CACNA2D3: variants seen among roughly 807,000 people sequenced by gnomAD.
CACNA2D3 encodes calcium voltage-gated channel auxiliary subunit alpha2delta 3.
A neutral mutation model predicts 160.6 loss-of-function variants in CACNA2D3; 60 were observed. The ratio of observed to expected loss-of-function variants is 0.37; its 90% confidence interval spans 0.30 to 0.46. The LOEUF (loss-of-function observed/expected upper bound fraction) is 0.46, where lower values mean the gene tolerates loss of function less well. Among genes scored for constraint, CACNA2D3 ranks in the 20% least tolerant of loss-of-function variants. CACNA2D3 has a pLI of 1.00. For missense variants in CACNA2D3, 1,205 were observed against 1,365.0 expected (o/e 0.88, Z 1.85); for synonymous variants, 558 against 492.9 (o/e 1.13, Z -1.75).
intron 2 of CACNA2D3, among the ~76,000 whole-genome samples, chr3:54,124,051 T>C (rs1252783896): frequency 6.6e-6 from 1 of 152,186 alleles, no homozygotes; most frequent in Admixed American, 6.5e-5. Context: ...CCTGCAGTTG[T>C]ACAATCCCAT....
chr3:54,332,288 A>G (rs1704284019), intron 3 of CACNA2D3, among the ~76,000 whole-genome samples: 1 of 152,226 alleles, frequency 6.6e-6, no homozygotes, highest in African/African-American at 2.4e-5. Context: ...ATAGTCAATG[A>G]TTTTAAATTA....
At chr3:54,500,067 C>T (rs914267670) in intron 4 of CACNA2D3, among the ~76,000 whole-genome samples, 1 of 152,144 alleles carries the variant, frequency 6.6e-6, no homozygotes, top group Non-Finnish European at 1.5e-5. Context: ...TATTTTAACG[C>T]TGTGCTGTTA....
chr3:54,401,751 A>C (rs771984955), intron 4 of CACNA2D3, among the ~76,000 whole-genome samples: 3 of 152,196 alleles, frequency 2.0e-5, no homozygotes, highest in Non-Finnish European at 4.4e-5. Context: ...AGAAATACTT[A>C]AGAGAGTTCT....
intron 3 of CACNA2D3, among the ~76,000 whole-genome samples, chr3:54,333,410 C>G (rs1431910377): frequency 1.3e-5 from 2 of 152,098 alleles, no homozygotes; most frequent in African/African-American, 4.8e-5. Flanking sequence ...CCCTTTGTGT[C>G]TAGGGAAAAG....
chr3:54,194,850 C>T (rs1357786610), intron 2 of CACNA2D3, among the ~76,000 whole-genome samples: 1 of 152,194 alleles, frequency 6.6e-6, no homozygotes, highest in African/African-American at 2.4e-5. Context: ...AAAGTACCCA[C>T]CTCTTAATAC....
intron 27 of CACNA2D3, among the ~76,000 whole-genome samples, chr3:54,952,122 A>G (rs1239909225): frequency 6.6e-6 from 1 of 152,156 alleles, no homozygotes; most frequent in African/African-American, 2.4e-5. Context: ...CTGGGATTAC[A>G]CATGTTAGCC....
intron 2 of CACNA2D3, among the ~76,000 whole-genome samples, chr3:54,160,116 G>A (rs950999766): frequency 6.6e-6 from 1 of 152,104 alleles, no homozygotes; most frequent in Admixed American, 6.5e-5. Flanking sequence ...TTCTCTTCTG[G>A]CAGTGGTTTT....
intron 2 of CACNA2D3, among the ~76,000 whole-genome samples, chr3:54,135,083 T>A (rs955085453): frequency 3.9e-5 from 6 of 152,210 alleles, no homozygotes; most frequent in African/African-American, 1.2e-4. Flanking sequence ...AATTTTAATT[T>A]CTGTTCCCTT....
intron 35 of CACNA2D3, among the ~76,000 whole-genome samples, chr3:55,022,194 TC>T (rs141770643): frequency 0.048 from 7,323 of 152,202 alleles, 259 homozygotes; most frequent in Middle Eastern, 0.11. Context: ...AAGAAATCAT[TC>T]CTGTTATCAC....
At chr3:54,662,373 T>C (rs1240445774) in intron 11 of CACNA2D3, among the ~76,000 whole-genome samples, 1 of 152,152 alleles carries the variant, frequency 6.6e-6, no homozygotes. Flanking sequence ...AGGGAGAGTC[T>C]AAAGTGACTA....
intron 31 of CACNA2D3, among the ~76,000 whole-genome samples, chr3:54,996,028 C>T (rs994501818): frequency 6.6e-6 from 1 of 152,206 alleles, no homozygotes; most frequent in South Asian, 2.1e-4. Context: ...TAGGAACATT[C>T]AATAACACCT....
chr3:54,881,076 G>A (rs1383615393), intron 21 of CACNA2D3, among the ~76,000 whole-genome samples: 1 of 152,096 alleles, frequency 6.6e-6, no homozygotes, highest in Non-Finnish European at 1.5e-5. Flanking sequence ...CCGATTCATG[G>A]TTGTGATTTA....
rs553477467 is a variant in CACNA2D3, at chr3:54,510,031, C to G, written c.544+6377C>G. Among the ~76,000 whole-genome samples the G allele has an allele frequency of 3.3e-5, 5 of 152,160 alleles. No homozygotes were observed. In the South Asian group the frequency reaches 1.0e-3, roughly 32 times the overall value. On this transcript the variant is annotated intron_variant, in intron 5 of 37. Coordinates refer to ENST00000474759, the MANE Select transcript of CACNA2D3 (RefSeq NM_018398.3). ...GTGGCTCCTCAGTCCTATGCTTAGGCTTATGTTTAGCCTGGAAGTTGCATT... is the reference window on the plus strand; with the variant it reads ...GTGGCTCCTCAGTCCTATGCTTAGGGTTATGTTTAGCCTGGAAGTTGCATT...
intron 4 of CACNA2D3, among the ~76,000 whole-genome samples, chr3:54,461,631 A>C (rs1700506781): frequency 6.6e-6 from 1 of 151,474 alleles, no homozygotes; most frequent in Non-Finnish European, 1.5e-5. Flanking sequence ...TATCCCCTTT[A>C]TCGTTTTTTA....
chr3:54,871,844 T>C (rs1699543661), intron 18 of CACNA2D3, among the ~76,000 whole-genome samples: 1 of 152,194 alleles, frequency 6.6e-6, no homozygotes, highest in South Asian at 2.1e-4. Flanking sequence ...CAGCTGCTTG[T>C]GCAGTCTACT....
chr3:54,676,227 C>A (rs1700241250), intron 11 of CACNA2D3, among the ~76,000 whole-genome samples: 1 of 152,214 alleles, frequency 6.6e-6, no homozygotes, highest in African/African-American at 2.4e-5. Context: ...CCTTTCCCAG[C>A]AGTTCCTTAT....
At chr3:54,125,459 TATC>T (rs1353753624) in intron 2 of CACNA2D3, among the ~76,000 whole-genome samples, 18 of 152,220 alleles carry the variant, frequency 1.2e-4, no homozygotes, top group African/African-American at 4.3e-4. Context: ...ATGGCTTTGT[TATC>T]ATTTCTTGCT....
chr3:54,462,439 C>A (rs1700524662), intron 4 of CACNA2D3, among the ~76,000 whole-genome samples: 1 of 152,160 alleles, frequency 6.6e-6, no homozygotes, highest in Non-Finnish European at 1.5e-5. Context: ...TCAGGACTTG[C>A]TTTATGAATC....
intron 18 of CACNA2D3, among the ~76,000 whole-genome samples, chr3:54,875,955 G>A (rs1005108075): frequency 6.6e-6 from 1 of 152,170 alleles, no homozygotes; most frequent in African/African-American, 2.4e-5. Flanking sequence ...GAAAAATCAA[G>A]GTATGCCACT....
Sources: gnomAD v4.1 joint callset for allele counts (sites outside exome capture counted in the v4.1 genomes callset) on GRCh38, gnomAD v4.1.1 for gene constraint, MANE v1.5 for transcripts, NCBI Gene and HGNC (gene_info 2026-07-23, HGNC 2026-07-21) for gene names.